The following USP3 variants were observed in gnomAD, a reference collection of about 807,000 sequenced individuals.
The protein encoded by USP3 is ubiquitin specific peptidase 3.
USP3 carries 20 observed loss-of-function variants against 72.3 expected under a neutral mutation model. The observed-to-expected ratio is 0.28, with a 90% CI of 0.19 to 0.40. USP3 has a LOEUF of 0.40. USP3 is among the 10% of genes least tolerant of loss of function. The pLI is 1.00. For missense variants in USP3, 479 were observed against 633.9 expected, an observed-to-expected ratio of 0.76 and a Z score of 2.62; for synonymous variants, 222 against 225.3, an observed-to-expected ratio of 0.99 and a Z score of 0.13.
At chr15:63,516,910 T>C (rs1209727980) in intron 1 of USP3, among the ~76,000 whole-genome samples, 1 of 151,872 alleles carries the variant, frequency 6.6e-6, no homozygotes, top group African/African-American at 2.4e-5. Flanking sequence ...CCCATACTTA[T>C]ATCCCCCAAT....
In USP3 at chr15:63,593,376, A is replaced by T. The variant is rs2067238593; in HGVS notation, c.*2550A>T. 1 of 152,250 alleles carries T rather than the reference A, an allele frequency of 6.6e-6. No homozygotes were observed. Among genetic ancestry groups the T allele is most frequent in the Non-Finnish European group, 1.5e-5 (1 of 68,050 alleles). The allele number at this position is 152,250 out of a possible 1,614,324, so 9.4% of individuals were successfully genotyped here. ...GGGCTCTTTTGCTTAGAAGGTAGAC[A>T]GCTGTAACCTCTAACATTGATACTT... On this transcript the variant is annotated 3_prime_UTR_variant, in exon 15 of 15. Transcript: ENST00000380324.
In USP3 at chr15:63,588,036, G is replaced by T. The variant is rs1437891834; in HGVS notation, c.1097-269G>T. On this transcript the variant is annotated intron_variant, in intron 11 of 14. Coordinates refer to ENST00000380324, the MANE Select transcript of USP3 (RefSeq NM_006537.4). The surrounding 1 kb of genome is among the most constrained non-coding windows in gnomAD (Gnocchi z 4.6). ...ACCATTTTATCAGAATTATCCAGAT[G>T]AATTATCATTAATAGTAAAACCAAC... The T allele has an allele frequency of 3.7e-6, 1 of 273,372 alleles. No individual in the cohort carries two copies. The highest frequency in any genetic ancestry group is 2.2e-5 in the African/African-American group (1 of 45,348). The allele number at this position is 273,372 out of a possible 1,614,324, so 16.9% of individuals were successfully genotyped here. A position where few individuals can be genotyped will look rare whatever the true frequency, so the allele number is the denominator to read the frequency against.
chr15:63,537,053 T>A lies in USP3; in HGVS notation c.181T>A (p.Tyr61Asn). The change falls in exon 3 of 15, where the codon TAT becomes AAT. Residue 61 changes from tyrosine to asparagine, a missense_variant. Transcript: ENST00000380324. ...TGTGAATGGCCATGCAAAAAAACATTATGAAGATGCACAAGTACCTTTAAC... is the reference window on the plus strand; with the variant it reads ...TGTGAATGGCCATGCAAAAAAACATAATGAAGATGCACAAGTACCTTTAAC... ...RYVNGHAKKHYEDAQVPLTNH... is the reference protein window; with the variant it reads ...RYVNGHAKKHNEDAQVPLTNH... 6.2e-7 allele frequency: 1 copy of A among 1,613,896 alleles called. No homozygotes were observed. The highest frequency in any genetic ancestry group is 8.5e-7 in the Non-Finnish European group (1 of 1,179,928).
chr15:63,553,701 T>TA lies in USP3; in HGVS notation c.285-13dup. 1 of 1,610,886 alleles carries TA rather than the reference T, an allele frequency of 6.2e-7. No individual in the cohort carries two copies. The highest frequency in any genetic ancestry group is 1.1e-5 in the South Asian group (1 of 90,598). On this transcript the variant is annotated splice_polypyrimidine_tract_variant and intron_variant, in intron 3 of 14. Transcript: ENST00000380324. This position sits in a 1 kb window ranked among gnomAD's most constrained non-coding sequence, Gnocchi z 4.2. ...CAAGCTCTTTACACACATTGATTAA[T>TA]ATTTTCCTTGCAGTTATCGCTGTGA... is the stretch of plus-strand genomic sequence containing the variant.
chr15:63,563,110 C>A, intron 8 of USP3, 102 bp downstream of exon 8: 1 of 799,304 alleles, frequency 1.3e-6, no homozygotes, highest in Non-Finnish European at 1.8e-6. Context: ...ATTCTAAATA[C>A]TTAAGACTGG....
intron 1 of USP3, among the ~76,000 whole-genome samples, chr15:63,530,920 T>G (rs2066064661): frequency 6.6e-6 from 1 of 152,204 alleles, no homozygotes; most frequent in Non-Finnish European, 1.5e-5. Context: ...TTGGTAGGTA[T>G]TCTTCCGCAC....
chr15:63,558,627 C>T (rs2066551716), intron 6 of USP3, among the ~76,000 whole-genome samples: 1 of 152,152 alleles, frequency 6.6e-6, no homozygotes, highest in Non-Finnish European at 1.5e-5. Context: ...ATCCCACCAG[C>T]ACTTTGGGAG....
intron 3 of USP3, among the ~76,000 whole-genome samples, chr15:63,548,138 T>TA (rs1051030390): frequency 1.3e-5 from 2 of 149,074 alleles, no homozygotes; most frequent in East Asian, 4.0e-4. Context: ...TACAAAAAAC[T>TA]AAAAAAAAAT....
At chr15:63,550,249 A>C (rs924301028) in intron 3 of USP3, among the ~76,000 whole-genome samples, 2 of 152,164 alleles carry the variant, frequency 1.3e-5, no homozygotes, top group Non-Finnish European at 2.9e-5. Context: ...TGATCTCTTT[A>C]CCTTGTGATC....
intron 3 of USP3, among the ~76,000 whole-genome samples, chr15:63,547,245 T>C (rs1221600162): frequency 2.6e-5 from 4 of 152,116 alleles, no homozygotes; most frequent in Admixed American, 2.0e-4. Flanking sequence ...ACAACAATCA[T>C]AGTAATATAT....
Position 63,588,971 on chromosome 15 carries a change from C to T in USP3, c.1357C>T (p.Leu453=), listed in dbSNP as rs1323306448. The part of the protein sequence containing the change: ...EPENSGPESC[L]YDLAAVVVHH... ...TGAGAACAGTGGCCCGGAGAGCTGC[C>T]TGTATGACCTCGCCGCTGTGGTGGT... The change falls in exon 14 of 15, where the codon CTG becomes TTG. Residue 453 remains leucine, a synonymous_variant. Transcript: ENST00000380324. The surrounding 1 kb of genome is among the most constrained non-coding windows in gnomAD (Gnocchi z 4.6). The T allele has an allele frequency of 6.2e-7, 1 of 1,614,052 alleles. No individual in the cohort carries two copies. The highest frequency in any genetic ancestry group is 8.5e-7 in the Non-Finnish European group (1 of 1,180,036).
rs1373638672 is a variant in USP3 at position 63,529,870 on chromosome 15, C to T, written c.92-2777C>T. ...CCTAGGCCAGGTGCAGAGGCTCATA[C>T]CTATAATCTGGGCACTTTGGGAGGC... On this transcript the variant is annotated intron_variant, in intron 1 of 14. Coordinates refer to ENST00000380324, the MANE Select transcript of USP3 (RefSeq NM_006537.4). This position sits in a 1 kb window ranked among gnomAD's most constrained non-coding sequence, Gnocchi z 4.2. Among the ~76,000 whole-genome samples, 2 of 152,188 alleles carry T rather than the reference C, an allele frequency of 1.3e-5. No individual in the cohort carries two copies. Among genetic ancestry groups the T allele is most frequent in the Non-Finnish European group, 2.9e-5 (2 of 68,038 alleles).
chr15:63,590,894 A>G lies in USP3; in HGVS notation c.*68A>G, dbSNP rs1365383763. The stretch of plus-strand genomic sequence containing the variant: ...ATTTCCAGTTTTCCACAAATACTTG[A>G]TACAAGATTTAATTTCATTATGCAC... On this transcript the variant is annotated 3_prime_UTR_variant, in exon 15 of 15. Coordinates refer to ENST00000380324, the MANE Select transcript of USP3 (RefSeq NM_006537.4). 203 of 1,482,548 alleles carry G rather than the reference A, an allele frequency of 1.4e-4. No homozygotes were observed. Among genetic ancestry groups the G allele is most frequent in the Non-Finnish European group, 1.8e-4 (200 of 1,109,932 alleles). The allele number at this position is 1,482,548 out of a possible 1,614,324, so 91.8% of individuals were successfully genotyped here.
chr15:63,542,321 G>A (rs1204385857), intron 3 of USP3: 19 of 410,566 alleles, frequency 4.6e-5, no homozygotes, highest in Admixed American at 1.3e-4. Flanking sequence ...ATAGCACCAT[G>A]TGACTGCTAG....
At chr15:63,527,367 GAGA>G in intron 1 of USP3, among the ~76,000 whole-genome samples, 1 of 152,290 alleles carries the variant, frequency 6.6e-6, no homozygotes, top group East Asian at 1.9e-4. Context: ...CTGAATTCTT[GAGA>G]AGAAAAAGAG....
intron 2 of USP3, among the ~76,000 whole-genome samples, chr15:63,535,724 C>T (rs1345654609): frequency 2.0e-5 from 3 of 152,142 alleles, no homozygotes; most frequent in African/African-American, 4.8e-5. Context: ...TGAATGTGCC[C>T]AGTTTTCCTG....
Position 63,506,210 on chromosome 15 carries a change from C to A in USP3, c.91+1380C>A, listed in dbSNP as rs78660054. On this transcript the variant is annotated intron_variant, in intron 1 of 14. Coordinates refer to ENST00000380324, the MANE Select transcript of USP3 (RefSeq NM_006537.4). ...GGATGCAGAAACTTGTGTAAATTAG[C>A]TTTTACCTGTAAATCTGTCGGGATG... is the stretch of plus-strand genomic sequence containing the variant. Among the ~76,000 whole-genome samples, 759 of 152,250 alleles carry A rather than the reference C, an allele frequency of 5.0e-3. 8 individuals are homozygous for A. Among genetic ancestry groups the A allele is most frequent in the African/African-American group, 0.017 (722 of 41,530 alleles).
rs1487756244 is a variant in USP3, at chr15:63,574,717, T to TA, written c.1096+315dup. Among the ~76,000 whole-genome samples, 3 of 152,364 alleles carry TA rather than the reference T, an allele frequency of 2.0e-5. No individual in the cohort carries two copies. Among genetic ancestry groups the TA allele is most frequent in the Non-Finnish European group, 4.4e-5 (3 of 68,024 alleles). On this transcript the variant is annotated intron_variant, in intron 11 of 14. Transcript: ENST00000380324. The surrounding 1 kb of genome is among the most constrained non-coding windows in gnomAD (Gnocchi z 4.6). ...AGAAGTTATTCTGTGGTTATCCCAC[T>TA]AGCATCTATAGGAAGAAAGAATACT...
chr15:63,563,408 C>A (rs2066639002), intron 8 of USP3, among the ~76,000 whole-genome samples: 1 of 152,186 alleles, frequency 6.6e-6, no homozygotes, highest in African/African-American at 2.4e-5. Context: ...ATTATATGAA[C>A]TGTTCGGAGC....
Sources: gnomAD v4.1 joint callset for allele counts (sites outside exome capture counted in the v4.1 genomes callset) on GRCh38, gnomAD v4.1.1 for gene constraint, Gnocchi (gnomAD v3.1) non-coding constraint, MANE v1.5 for transcripts, NCBI Gene and HGNC (gene_info 2026-07-23, HGNC 2026-07-21) for gene names.